The following ABCD2 variants were observed in gnomAD, a reference collection of about 807,000 sequenced individuals.
ABCD2 encodes ATP binding cassette subfamily D member 2.
ABCD2 carries 36 observed loss-of-function variants against 70.9 expected under a neutral mutation model. That is an observed-to-expected ratio of 0.51 (90% confidence interval 0.39 to 0.67). The LOEUF is 0.67. Among genes scored for constraint, ABCD2 ranks in the 30% least tolerant of loss-of-function variants. ABCD2 has a pLI of 0.00. For synonymous variants in ABCD2, 304 were observed against 306.9 expected, an observed-to-expected ratio of 0.99 and a Z score of 0.10; for missense variants, 729 against 890.2, an observed-to-expected ratio of 0.82 and a Z score of 2.30.
chr12:39,566,257 C>T (rs1271156031), intron 9 of ABCD2, among the ~76,000 whole-genome samples: 2 of 152,102 alleles, frequency 1.3e-5, no homozygotes, highest in Non-Finnish European at 2.9e-5. Context: ...TCCGTCTGGT[C>T]CTGGAGTTTT....
downstream of ABCD2, among the ~76,000 whole-genome samples, chr12:39,546,978 C>T (rs1591958494): frequency 6.6e-6 from 1 of 151,850 alleles, no homozygotes; most frequent in African/African-American, 2.4e-5. Flanking sequence ...TCATGGTGGG[C>T]CTTAAATACC....
downstream of ABCD2, among the ~76,000 whole-genome samples, chr12:39,545,215 TCA>T (rs1941014678): frequency 6.6e-6 from 1 of 152,232 alleles, no homozygotes; most frequent in African/African-American, 2.4e-5. Flanking sequence ...TAATTATTTT[TCA>T]CTTAGACTAA....
rs1941119491 is a variant in ABCD2, at chr12:39,553,638, T to C, written c.*274A>G. ...CACCACATATACATAGTAAATCTGG[T>C]ATTCATCATGAATTCACCTAGAAAA... On this transcript the variant is annotated 3_prime_UTR_variant, in exon 10 of 10. Coordinates refer to ENST00000308666, the MANE Select transcript of ABCD2 (RefSeq NM_005164.4). 3 of 365,520 alleles carry C rather than the reference T, an allele frequency of 8.2e-6. No homozygotes were observed. The South Asian group carries it at 1.2e-4, about 15-fold the overall frequency. 22.6% of individuals were successfully genotyped at this position (365,520 alleles called of 1,614,324 possible).
At chr12:39,571,749 A>G (rs1156631608) in intron 9 of ABCD2, among the ~76,000 whole-genome samples, 2 of 152,222 alleles carry the variant, frequency 1.3e-5, no homozygotes, top group Non-Finnish European at 2.9e-5. Context: ...AAAGCTTAGG[A>G]AAGTGATGGT....
At chr12:39,581,120 A>C (rs998925826) in intron 7 of ABCD2, among the ~76,000 whole-genome samples, 1 of 152,186 alleles carries the variant, frequency 6.6e-6, no homozygotes, top group African/African-American at 2.4e-5. Flanking sequence ...AATGTATAAA[A>C]GCATAAAAAA....
chr12:39,573,685 T>A, intron 9 of ABCD2, 31 bp downstream of exon 9: 1 of 1,587,746 alleles, frequency 6.3e-7, no homozygotes, highest in Non-Finnish European at 8.6e-7. Flanking sequence ...GGAAAAACCA[T>A]CTACCACAAA....
At position 39,553,740 on chromosome 12, in the gene ABCD2, G is replaced by A. The variant is rs1941121112; in HGVS notation, c.*172C>T. ...ATGACTGACCTTACATAATGCATTT[G>A]TTTATTTTCTTCTGAAAAGTCAGAT... On this transcript the variant is annotated 3_prime_UTR_variant, in exon 10 of 10. Coordinates refer to ENST00000308666, the MANE Select transcript of ABCD2 (RefSeq NM_005164.4). The A allele has an allele frequency of 1.7e-6, 1 of 591,784 alleles. No individual in the cohort carries two copies. Among genetic ancestry groups the A allele is most frequent in the Non-Finnish European group, 3.0e-6 (1 of 338,190 alleles). The allele number at this position is 591,784 out of a possible 1,614,324, so 36.7% of individuals were successfully genotyped here.
chr12:39,603,888 G>A (rs763215022), intron 5 of ABCD2, 24 bp downstream of exon 5: 2 of 1,522,280 alleles, frequency 1.3e-6, no homozygotes. Context: ...GCAACAATCA[G>A]AAGATTCTTG....
downstream of ABCD2, among the ~76,000 whole-genome samples, chr12:39,545,782 A>G (rs1941020266): frequency 6.6e-6 from 1 of 152,138 alleles, no homozygotes; most frequent in Non-Finnish European, 1.5e-5. Context: ...AGACCTCTTT[A>G]TGGTCATTGG....
At chr12:39,558,142 G>A (rs1941198114) in intron 9 of ABCD2, among the ~76,000 whole-genome samples, 1 of 152,248 alleles carries the variant, frequency 6.6e-6, no homozygotes, top group African/African-American at 2.4e-5. Flanking sequence ...TCTTGCATCA[G>A]CAGCACCTGG....
At chr12:39,567,853 T>A (rs1941380876) in intron 9 of ABCD2, among the ~76,000 whole-genome samples, 1 of 152,178 alleles carries the variant, frequency 6.6e-6, no homozygotes, top group South Asian at 2.1e-4. Flanking sequence ...TTTGCTTGTC[T>A]GTAAAGGATT....
In ABCD2 at chr12:39,572,006, T is replaced by A. The variant is rs1233599365; in HGVS notation, c.2003+1710A>T. On this transcript the variant is annotated intron_variant, in intron 9 of 9. Transcript: ENST00000308666. ...GAAATGGCAAAGCTAAATAAAAAAA[T>A]CAGAACTAACATGTTGTTTTGTTTT... Among the ~76,000 whole-genome samples, 9 of 152,214 alleles carry A rather than the reference T, an allele frequency of 5.9e-5. No homozygotes were observed. In the East Asian group the frequency reaches 1.7e-3, roughly 29 times the overall value.
intron 2 of ABCD2, among the ~76,000 whole-genome samples, chr12:39,608,891 C>G (rs925449196): frequency 6.6e-6 from 1 of 152,108 alleles, no homozygotes; most frequent in Non-Finnish European, 1.5e-5. Context: ...CTTCACCCTA[C>G]GCTCCAGCAG....
At chr12:39,547,344 T>G (rs939875771), downstream of ABCD2, among the ~76,000 whole-genome samples, 1 of 152,064 alleles carries the variant, frequency 6.6e-6, no homozygotes, top group African/African-American at 2.4e-5. Flanking sequence ...CCAAAAGAAC[T>G]GAAAACATGG....
intron 4 of ABCD2, among the ~76,000 whole-genome samples, chr12:39,604,553 T>C (rs531392930): frequency 4.6e-5 from 7 of 152,158 alleles, no homozygotes; most frequent in Non-Finnish European, 5.9e-5. Flanking sequence ...AATTGTGTCC[T>C]AAATAAAAGT....
chr12:39,585,151 A>C (rs1941648407), intron 7 of ABCD2, among the ~76,000 whole-genome samples: 1 of 152,204 alleles, frequency 6.6e-6, no homozygotes. Context: ...CCTATCCATG[A>C]ACATGGGATG....
Position 39,603,948 on chromosome 12 carries a change from T to G in ABCD2, c.1464A>C (p.Pro488=), listed in dbSNP as rs1566580348. 6.2e-7 allele frequency: 1 copy of G among 1,613,008 alleles called. No individual in the cohort carries two copies. Among genetic ancestry groups the G allele is most frequent in the East Asian group, 2.2e-5 (1 of 44,744 alleles). ...IICENVPIIT[P]AGEVVASRLN... ...GCCTGGAAGCCACCACTTCTCCTGC[T>G]GGTGTAATTATGGGAACATTTTCAC... The change falls in exon 5 of 10, where the codon CCA becomes CCC. Residue 488 remains proline (P), a synonymous_variant. Transcript: ENST00000308666.
chr12:39,617,589 G>A (rs1444089779), intron 1 of ABCD2, among the ~76,000 whole-genome samples: 1 of 152,010 alleles, frequency 6.6e-6, no homozygotes, highest in African/African-American at 2.4e-5. Context: ...AGAAGTCTAA[G>A]CACACTATAA....
intron 2 of ABCD2, among the ~76,000 whole-genome samples, chr12:39,612,543 C>T (rs1272017700): frequency 6.6e-6 from 1 of 152,104 alleles, no homozygotes; most frequent in African/African-American, 2.4e-5. Context: ...ATAGTGAGGT[C>T]ATTATACTTT....
Sources: gnomAD v4.1 joint callset for allele counts (sites outside exome capture counted in the v4.1 genomes callset) on GRCh38, gnomAD v4.1.1 for gene constraint, MANE v1.5 for transcripts, NCBI Gene and HGNC (gene_info 2026-07-23, HGNC 2026-07-21) for gene names.